The following UTP18 variants were observed in gnomAD, a reference collection of about 807,000 sequenced individuals.
UTP18 encodes the protein U3 small nucleolar RNA-associated protein 18 homolog.
Under a neutral mutation model 61.1 loss-of-function variants are expected in UTP18, and 36 were observed. That is an observed-to-expected ratio of 0.59 (90% CI 0.45 to 0.78). The LOEUF (loss-of-function observed/expected upper bound fraction) is 0.78. UTP18 is among the 30% of genes least tolerant of loss of function. The pLI is 0.00. For missense variants in UTP18, 753 were observed against 693.9 expected, an observed-to-expected ratio of 1.09 and a Z score of -0.96; for synonymous variants, 282 against 251.1, an observed-to-expected ratio of 1.12 and a Z score of -1.16.
intron 3 of UTP18, among the ~76,000 whole-genome samples, chr17:51,267,978 A>G (rs118155832): frequency 0.017 from 2,586 of 150,542 alleles, 43 homozygotes; most frequent in Non-Finnish European, 0.027. Context: ...GCCCTCTTCC[A>G]GGTACCAGTT....
chr17:51,283,617 A>ATTTT (rs34103760), intron 9 of UTP18, among the ~76,000 whole-genome samples: 7 of 138,514 alleles, frequency 5.1e-5, no homozygotes, highest in Non-Finnish European at 6.2e-5. Context: ...TTACTCATGG[A>ATTTT]TTTTTTTTTT....
intron 13 of UTP18, among the ~76,000 whole-genome samples, chr17:51,297,532 A>G (rs973948742): frequency 1.3e-5 from 2 of 152,198 alleles, no homozygotes; most frequent in East Asian, 1.9e-4. Context: ...GAGCTTTGCA[A>G]TTGGCCTCTT....
chr17:51,280,432 C>T lies in UTP18; in HGVS notation c.1157C>T (p.Ala386Val). 6.2e-7 allele frequency: 1 copy of T among 1,614,166 alleles called. No homozygotes were observed. Among genetic ancestry groups the T allele is most frequent in the East Asian group, 2.2e-5 (1 of 44,884 alleles). ...AGCATGAAAATTAATGGAAGGGTTG[C>T]AGCATCCACATTCTCTTCAGATAGT... ...IGSMKINGRV[A>V]ASTFSSDSKK... Residue 386 changes from alanine (A) to valine (V), a missense_variant, in exon 9 of 14, where the codon GCA becomes GTA. Coordinates refer to ENST00000225298, the MANE Select transcript of UTP18 (RefSeq NM_016001.3).
chr17:51,291,689 C>T (rs1287719577), intron 11 of UTP18, among the ~76,000 whole-genome samples: 1 of 151,098 alleles, frequency 6.6e-6, no homozygotes. Context: ...GAGCTGAGAT[C>T]GCACCACTGT....
chr17:51,263,206 A>T, intron 1 of UTP18, 68 bp from the exon 2 acceptor site: 1 of 1,193,106 alleles, frequency 8.4e-7, no homozygotes, highest in South Asian at 1.3e-5. Flanking sequence ...ATTTGGCTGT[A>T]AGGCCTATGT....
intron 3 of UTP18, among the ~76,000 whole-genome samples, chr17:51,266,821 G>A (rs947837710): frequency 2.0e-5 from 3 of 152,036 alleles, no homozygotes; most frequent in Admixed American, 6.6e-5. Context: ...TCCAATTGTT[G>A]TAAGGTGCAT....
At position 51,294,037 on chromosome 17, in the gene UTP18, G is replaced by C. The variant is rs202204096; in HGVS notation, c.1638G>C (p.Leu546=). The C allele has an allele frequency of 9.6e-5, 153 of 1,600,166 alleles. No homozygotes were observed. In the East Asian group the frequency reaches 1.5e-3, roughly 16 times the overall value. The change falls in exon 12 of 14, where the codon CTG becomes CTC. Residue 546 remains leucine (L), a synonymous_variant. Transcript: ENST00000225298. ...FALGNEKGKA[L]MYRLHHYSDF is the part of the protein sequence containing the mutation. ...TGGGGAATGAAAAGGGCAAGGCCCT[G>C]ATGTATAGGTAGGTATTATTTATGT...
Position 51,263,322 on chromosome 17 carries a change from A to G in UTP18, c.391A>G (p.Lys131Glu). The G allele has an allele frequency of 6.2e-7, 1 of 1,614,232 alleles. No homozygotes were observed. The change falls in exon 2 of 14, where the codon AAA becomes GAA. Residue 131 changes from lysine (K) to glutamate (E), a missense_variant. By Grantham distance (56) the Lys-to-Glu change is moderately conservative. Transcript: ENST00000225298. ...TGACTCAGAAGTGGAGAATGAAGCA[A>G]AAGGTAATTTTCCACCTCAAAAGAA... ...SGDSEVENEAKGNFPPQKKPV... is the reference protein window; with the variant it reads ...SGDSEVENEAEGNFPPQKKPV...
At chr17:51,274,810 T>C (rs1456426219) in intron 5 of UTP18, among the ~76,000 whole-genome samples, 1 of 151,988 alleles carries the variant, frequency 6.6e-6, no homozygotes, top group Non-Finnish European at 1.5e-5. Flanking sequence ...CAGGGGAAAC[T>C]ATTATGATAA....
rs761348064 is a variant in UTP18, at chr17:51,280,499, G to C, written c.1204+20G>C. On this transcript the variant is annotated intron_variant, in intron 9 of 13. Coordinates refer to ENST00000225298, the MANE Select transcript of UTP18 (RefSeq NM_016001.3). Reference sequence around the variant, plus strand: ...CTTCGGGTAAGACAACGACATGAAAGAAGCTAAGGATATTTTTACATTTTA... The same window carrying C: ...CTTCGGGTAAGACAACGACATGAAACAAGCTAAGGATATTTTTACATTTTA... 1.7e-5 allele frequency: 27 copies of C among 1,611,292 alleles called. No homozygotes were observed. The highest frequency in any genetic ancestry group is 2.1e-5 in the Non-Finnish European group (25 of 1,177,984).
chr17:51,268,747 G>T, intron 3 of UTP18, 90 bp from the exon 4 acceptor site: 1 of 1,012,746 alleles, frequency 9.9e-7, no homozygotes, highest in Non-Finnish European at 1.5e-6. Context: ...GTATTCTCAA[G>T]GGTGATTCAA....
intron 8 of UTP18, 127 bp downstream of exon 8, chr17:51,280,232 GAGA>G: frequency 1.5e-6 from 2 of 1,302,560 alleles, no homozygotes; most frequent in Non-Finnish European, 2.1e-6. Context: ...GGGACTTGGA[GAGA>G]AGTTGTGGGC....
At chr17:51,293,867 T>A in intron 11 of UTP18, 36 bp from the exon 12 acceptor site, 12 of 1,477,474 alleles carry the variant, frequency 8.1e-6, no homozygotes, top group Non-Finnish European at 1.1e-5. Context: ...GAGCTCCCAG[T>A]TGTTACACTT....
chr17:51,289,200 GT>G (rs34538423), intron 11 of UTP18, among the ~76,000 whole-genome samples: 24,782 of 137,446 alleles, frequency 0.18, 4,138 homozygotes, highest in African/African-American at 0.47. Flanking sequence ...TGTTTTTTTT[GT>G]TTTTTTTTTT....
intron 4 of UTP18, among the ~76,000 whole-genome samples, chr17:51,271,140 A>C (rs1174393546): frequency 6.6e-6 from 1 of 152,032 alleles, no homozygotes; most frequent in Admixed American, 6.5e-5. Context: ...TCTCCCTATC[A>C]TTTTAGCTTG....
rs771040952 is a variant in UTP18, at chr17:51,273,460, AG to A, written c.711+11del. The A allele has an allele frequency of 6.2e-7, 1 of 1,602,854 alleles. No individual in the cohort carries two copies. Among genetic ancestry groups the A allele is most frequent in the South Asian group, 1.1e-5 (1 of 89,790 alleles). On this transcript the variant is annotated intron_variant, in intron 5 of 13. Coordinates refer to ENST00000225298, the MANE Select transcript of UTP18 (RefSeq NM_016001.3). ...AAGAGGAATCTTGAAGGTGAGAGTC[AG>A]TGAAGTTGGGGGATCCTATCTAACT... is the stretch of plus-strand genomic sequence containing the variant.
intron 5 of UTP18, among the ~76,000 whole-genome samples, chr17:51,274,749 C>T (rs939918862): frequency 2.6e-5 from 4 of 151,916 alleles, no homozygotes; most frequent in Non-Finnish European, 4.4e-5. Context: ...CCGCGCCCAG[C>T]GACATAGGTC....
At chr17:51,263,164 C>T (rs1419853394) in intron 1 of UTP18, 110 bp from the exon 2 acceptor site, 4 of 819,574 alleles carry the variant, frequency 4.9e-6, no homozygotes, top group Non-Finnish European at 7.9e-6. Flanking sequence ...ATTATTTCAT[C>T]AGAGAGTGGT....
chr17:51,289,735 A>G (rs374487789), intron 11 of UTP18, among the ~76,000 whole-genome samples: 3 of 152,252 alleles, frequency 2.0e-5, no homozygotes, highest in East Asian at 3.8e-4. Context: ...ACCAGATTGT[A>G]CGCACTTTAC....
Sources: gnomAD v4.1 joint callset for allele counts (sites outside exome capture counted in the v4.1 genomes callset) on GRCh38, gnomAD v4.1.1 for gene constraint, MANE v1.5 for transcripts, NCBI Gene and HGNC (gene_info 2026-07-23, HGNC 2026-07-21) for gene names.